The following CFAP299 variants were observed in gnomAD, a reference collection of about 807,000 sequenced individuals.
CFAP299 encodes cilia- and flagella-associated protein 299.
CFAP299 carries 21 observed loss-of-function variants against 27.0 expected under a neutral mutation model. The observed-to-expected ratio is 0.78, with a 90% CI of 0.55 to 1.12. The LOEUF is 1.12. CFAP299 is among the 50% of genes most tolerant of loss of function. The pLI, the probability that CFAP299 is intolerant of heterozygous loss-of-function variation, is 0.00. For missense variants in CFAP299, 310 were observed against 276.6 expected, an observed-to-expected ratio of 1.12 and a Z score of -0.86; for synonymous variants, 104 against 98.1, an observed-to-expected ratio of 1.06 and a Z score of -0.36.
At chr4:80,426,194 A>G (rs1727522546) in intron 2 of CFAP299, among the ~76,000 whole-genome samples, 1 of 151,582 alleles carries the variant, frequency 6.6e-6, no homozygotes, top group African/African-American at 2.4e-5. Flanking sequence ...TTCTATATTT[A>G]TCTGAACATA....
chr4:80,382,936 C>T (rs144991328), intron 2 of CFAP299, among the ~76,000 whole-genome samples: 82 of 152,204 alleles, frequency 5.4e-4, no homozygotes, highest in African/African-American at 1.9e-3. Flanking sequence ...AACTTAAATG[C>T]CCATCAATGA....
intron 2 of CFAP299, among the ~76,000 whole-genome samples, chr4:80,547,825 A>T (rs1173342550): frequency 7.2e-5 from 11 of 152,212 alleles, no homozygotes; most frequent in Non-Finnish European, 1.3e-4. Flanking sequence ...AAACCACATG[A>T]GATACCATTT....
At chr4:80,814,283 C>T (rs902583047) in intron 3 of CFAP299, among the ~76,000 whole-genome samples, 13 of 152,050 alleles carry the variant, frequency 8.5e-5, no homozygotes, top group Non-Finnish European at 1.8e-4. Flanking sequence ...ACATGTTACT[C>T]AGAAACCCCA....
intron 3 of CFAP299, among the ~76,000 whole-genome samples, chr4:80,826,625 C>T (rs1730003751): frequency 6.6e-6 from 1 of 151,444 alleles, no homozygotes; most frequent in Non-Finnish European, 1.5e-5. Flanking sequence ...AGTTCAATGC[C>T]CCACACTCAG....
chr4:80,761,601 T>C (rs954523859), intron 3 of CFAP299, among the ~76,000 whole-genome samples: 2 of 152,192 alleles, frequency 1.3e-5, no homozygotes, highest in Admixed American at 1.3e-4. Flanking sequence ...ATAAAGTATA[T>C]GGCTGCAAAA....
intron 1 of CFAP299, among the ~76,000 whole-genome samples, chr4:80,348,700 A>T (rs1162120579): frequency 1.3e-5 from 2 of 152,232 alleles, no homozygotes; most frequent in African/African-American, 4.8e-5. Context: ...CAGAACTGTG[A>T]GAAAATAAAT....
At chr4:80,408,028 A>C (rs915408622) in intron 2 of CFAP299, among the ~76,000 whole-genome samples, 6 of 152,168 alleles carry the variant, frequency 3.9e-5, no homozygotes, top group Admixed American at 3.9e-4. Flanking sequence ...ATATACTACC[A>C]TAGAGTCTCA....
intron 2 of CFAP299, among the ~76,000 whole-genome samples, chr4:80,550,729 A>G (rs1442882561): frequency 2.0e-5 from 3 of 151,392 alleles, no homozygotes; most frequent in Non-Finnish European, 4.4e-5. Flanking sequence ...AACTTACAAT[A>G]TTTTCTAAGT....
intron 2 of CFAP299, among the ~76,000 whole-genome samples, chr4:80,417,441 T>C (rs1238158770): frequency 1.3e-5 from 2 of 152,112 alleles, no homozygotes; most frequent in Admixed American, 6.5e-5. Context: ...CTATTCAAGA[T>C]GGAGTTGCCC....
chr4:80,480,072 G>A (rs1578493303), intron 2 of CFAP299, among the ~76,000 whole-genome samples: 1 of 151,862 alleles, frequency 6.6e-6, no homozygotes, highest in South Asian at 2.1e-4. Context: ...TTTTCCTTAT[G>A]TACCAGTGCA....
At chr4:80,474,057 T>C (rs1353179643) in intron 2 of CFAP299, among the ~76,000 whole-genome samples, 3 of 152,208 alleles carry the variant, frequency 2.0e-5, no homozygotes, top group Non-Finnish European at 2.9e-5. Context: ...TAGGTTTATG[T>C]CTCAAGGTCC....
chr4:80,462,377 C>G (rs981237943), intron 2 of CFAP299, among the ~76,000 whole-genome samples: 1 of 152,146 alleles, frequency 6.6e-6, no homozygotes, highest in Admixed American at 6.6e-5. Flanking sequence ...CCTCTACCCA[C>G]CACAGCTAGA....
intron 2 of CFAP299, chr4:80,420,218 C>T (rs1376888128): frequency 2.2e-6 from 1 of 456,026 alleles, no homozygotes; most frequent in Non-Finnish European, 4.4e-6. Flanking sequence ...TTACAGGTGT[C>T]AGACTCTCAG....
At chr4:80,390,530 TATATATGTATACACAC>T (rs1560543043) in intron 2 of CFAP299, among the ~76,000 whole-genome samples, 15 of 57,246 alleles carry the variant, frequency 2.6e-4, no homozygotes, top group Admixed American at 2.1e-4. Context: ...TGTATATATG[TATATATGTATACACAC>T]ATATATGTAT....
intron 2 of CFAP299, among the ~76,000 whole-genome samples, chr4:80,482,401 C>T (rs1730609575): frequency 6.6e-6 from 1 of 152,082 alleles, no homozygotes; most frequent in Admixed American, 6.6e-5. Flanking sequence ...TATAATTCTC[C>T]TAAGAAAGCT....
intron 2 of CFAP299, among the ~76,000 whole-genome samples, chr4:80,468,812 T>C (rs1045369333): frequency 1.9e-4 from 24 of 125,858 alleles, no homozygotes; most frequent in Non-Finnish European, 3.6e-4. Context: ...CCAGCCTGGG[T>C]GACAGAGCGA....
intron 2 of CFAP299, among the ~76,000 whole-genome samples, chr4:80,445,483 A>G (rs932606311): frequency 1.3e-5 from 2 of 152,182 alleles, no homozygotes; most frequent in Non-Finnish European, 2.9e-5. Context: ...GTGAGAACAC[A>G]TGGACACAGG....
intron 2 of CFAP299, chr4:80,388,555 G>C: frequency 7.0e-7 from 1 of 1,437,664 alleles, no homozygotes; most frequent in Non-Finnish European, 9.7e-7. Flanking sequence ...ACTTCCCACA[G>C]AGAAAGACAT....
At chr4:80,655,893 C>A (rs1323825499) in intron 3 of CFAP299, among the ~76,000 whole-genome samples, 2 of 152,144 alleles carry the variant, frequency 1.3e-5, no homozygotes, top group African/African-American at 2.4e-5. Flanking sequence ...TATTGGCATG[C>A]AAACCATCTC....
Sources: allele counts gnomAD v4.1 joint callset (sites outside exome capture counted in the v4.1 genomes callset), GRCh38; gene constraint gnomAD v4.1.1; transcripts MANE v1.5; gene names NCBI Gene and HGNC (gene_info 2026-07-23, HGNC 2026-07-21).